MVB12B: variants seen among roughly 807,000 people sequenced by gnomAD.
MVB12B encodes the protein multivesicular body subunit 12B.
Under a neutral mutation model 41.6 loss-of-function variants are expected in MVB12B, and 16 were observed. The observed-to-expected ratio is 0.38, with a 90% CI of 0.26 to 0.58. The LOEUF is 0.58. Among genes scored for constraint, MVB12B ranks in the 20% least tolerant of loss-of-function variants. The pLI is 0.62. For missense variants in MVB12B, 274 were observed against 380.2 expected (o/e 0.72, Z 2.32); for synonymous variants, 133 against 139.7 (o/e 0.95, Z 0.34).
intron 2 of MVB12B, among the ~76,000 whole-genome samples, chr9:126,375,282 C>G (rs1002863576): frequency 2.7e-5 from 4 of 149,146 alleles, no homozygotes; most frequent in African/African-American, 9.9e-5. Flanking sequence ...AGACTTGTTT[C>G]ATTCATTTGA....
chr9:126,481,205 G>A, intron 7 of MVB12B, 164 bp from the exon 8 acceptor site: 1 of 674,342 alleles, frequency 1.5e-6, no homozygotes, highest in Non-Finnish European at 2.6e-6. Context: ...GGCAGCAGGG[G>A]TGGGACCTGT....
intron 1 of MVB12B, among the ~76,000 whole-genome samples, chr9:126,334,910 T>G (rs75847027): frequency 6.6e-6 from 1 of 152,348 alleles, no homozygotes; most frequent in East Asian, 1.9e-4. Flanking sequence ...AACCTACCAT[T>G]GCACCATAAG....
intron 6 of MVB12B, among the ~76,000 whole-genome samples, chr9:126,399,736 TG>T (rs956094162): frequency 1.4e-4 from 22 of 152,152 alleles, no homozygotes; most frequent in Non-Finnish European, 2.5e-4. Flanking sequence ...AGTCCCCTGG[TG>T]GGCTGCAGCC....
intron 7 of MVB12B, among the ~76,000 whole-genome samples, chr9:126,449,421 A>G (rs1196475381): frequency 1.3e-5 from 2 of 152,178 alleles, no homozygotes; most frequent in Non-Finnish European, 2.9e-5. Context: ...TCTGACAGAC[A>G]GGTCTGGCCT....
intron 2 of MVB12B, among the ~76,000 whole-genome samples, chr9:126,344,768 G>A (rs1004962619): frequency 1.3e-5 from 2 of 152,248 alleles, no homozygotes; most frequent in Non-Finnish European, 2.9e-5. Context: ...AGTCTAAGGT[G>A]AAGGGCCTGC....
At chr9:126,366,439 G>A (rs575545353) in intron 2 of MVB12B, among the ~76,000 whole-genome samples, 2 of 152,154 alleles carry the variant, frequency 1.3e-5, no homozygotes, top group South Asian at 2.1e-4. Context: ...AAATAAAAGC[G>A]ACCTGTAATC....
rs1027417371 is a variant in MVB12B at position 126,357,798 on chromosome 9, A to G, written c.204+17168A>G. 3.9e-5 allele frequency among the ~76,000 whole-genome samples: 6 copies of G among 152,184 alleles called. No individual in the cohort carries two copies. The East Asian group carries it at 1.2e-3, about 29-fold the overall frequency. On this transcript the variant is annotated intron_variant, in intron 2 of 9. Transcript: ENST00000361171. ...CTTGCCTTTTCATTTTCTTAACAGT[A>G]TTTTTGAAAAGCAAAAGTTTTAAAA... is the stretch of plus-strand genomic sequence containing the variant.
chr9:126,400,700 C>T (rs1422109496), intron 6 of MVB12B, among the ~76,000 whole-genome samples: 2 of 152,206 alleles, frequency 1.3e-5, no homozygotes, highest in Admixed American at 1.3e-4. Context: ...CAGCCATTGC[C>T]TTCCTCCACT....
chr9:126,409,296 A>C (rs982404301), intron 6 of MVB12B, among the ~76,000 whole-genome samples: 1 of 89,356 alleles, frequency 1.1e-5, no homozygotes, highest in African/African-American at 4.5e-5. Context: ...TTGGTGAGTA[A>C]CTCTGTGTGT....
In MVB12B at chr9:126,504,841, G is replaced by C. The variant is rs1244676436; in HGVS notation, c.*1578G>C. The C allele has an allele frequency of 6.6e-6, 1 of 152,520 alleles. No homozygotes were observed. The highest frequency in any genetic ancestry group is 1.5e-5 in the Non-Finnish European group (1 of 68,146). The allele number at this position is 152,520 out of a possible 1,614,324, so 9.4% of individuals were successfully genotyped here. A position where few individuals can be genotyped will look rare whatever the true frequency, so the allele number is the denominator to read the frequency against. The stretch of plus-strand genomic sequence containing the variant: ...GGGGGTGGCCTTCTCAGGACTCCTG[G>C]GTGGCACAGCAGCAGGACCTTGTCA... On this transcript the variant is annotated 3_prime_UTR_variant, in exon 10 of 10. Transcript: ENST00000361171.
chr9:126,390,847 G>A (rs1385249793), intron 4 of MVB12B, among the ~76,000 whole-genome samples: 1 of 151,892 alleles, frequency 6.6e-6, no homozygotes, highest in East Asian at 1.9e-4. Context: ...AGCTACTCAG[G>A]AGGCTGGGGC....
At chr9:126,366,161 C>G (rs528344417) in intron 2 of MVB12B, among the ~76,000 whole-genome samples, 30 of 152,184 alleles carry the variant, frequency 2.0e-4, no homozygotes, top group African/African-American at 6.5e-4. Flanking sequence ...CTTCATCTCA[C>G]CAGCTCCTCC....
chr9:126,401,018 A>G (rs1831253293), intron 6 of MVB12B, among the ~76,000 whole-genome samples: 2 of 152,196 alleles, frequency 1.3e-5, no homozygotes, highest in South Asian at 4.1e-4. Flanking sequence ...GTGTGGTTCC[A>G]GTAGCCTCAC....
intron 2 of MVB12B, among the ~76,000 whole-genome samples, chr9:126,344,159 A>G (rs1015985030): frequency 1.3e-5 from 2 of 152,120 alleles, no homozygotes; most frequent in Non-Finnish European, 2.9e-5. Context: ...AGTACCTACT[A>G]TGTGCCAGCT....
intron 7 of MVB12B, 115 bp from the exon 8 acceptor site, chr9:126,481,253 AC>A: frequency 1.1e-6 from 1 of 879,906 alleles, no homozygotes; most frequent in South Asian, 1.4e-5. Flanking sequence ...GCTGGATGTC[AC>A]CTGGCTCCAT....
chr9:126,409,041 TC>T (rs1390508764), intron 6 of MVB12B, among the ~76,000 whole-genome samples: 2 of 152,110 alleles, frequency 1.3e-5, no homozygotes, highest in Admixed American at 6.6e-5. Flanking sequence ...GTGGGACTGT[TC>T]CTTGAGCTTT....
chr9:126,492,593 A>C (rs1833756568), intron 9 of MVB12B, among the ~76,000 whole-genome samples: 4 of 152,108 alleles, frequency 2.6e-5, no homozygotes, highest in Admixed American at 6.5e-5. Flanking sequence ...TGTAATCCTC[A>C]CACTTTGGGA....
intron 6 of MVB12B, among the ~76,000 whole-genome samples, chr9:126,421,407 C>T (rs1832013664): frequency 6.6e-6 from 1 of 152,234 alleles, no homozygotes. Flanking sequence ...CAGAGCGCTT[C>T]ATGTGCAGTG....
rs1276020505 is a variant in MVB12B, at chr9:126,430,023, AAGGCCGTGGGCCCGG to A, written c.757+8076_757+8090del. Among the ~76,000 whole-genome samples, 3 of 152,246 alleles carry A rather than the reference AAGGCCGTGGGCCCGG, an allele frequency of 2.0e-5. No individual in the cohort carries two copies. The East Asian group carries it at 5.8e-4, about 29-fold the overall frequency. ...CTCACTTAGAATGCAGGGCCCACAGAAGGCCGTGGGCCCGGGCCTTCTGGGCTGCAGTCTGGCAGG... is the reference window on the plus strand; with the variant it reads ...CTCACTTAGAATGCAGGGCCCACAGAGCCTTCTGGGCTGCAGTCTGGCAGG... On this transcript the variant is annotated intron_variant, in intron 7 of 9. Transcript: ENST00000361171.
Sources: allele counts gnomAD v4.1 joint callset (sites outside exome capture counted in the v4.1 genomes callset), GRCh38; gene constraint gnomAD v4.1.1; transcripts MANE v1.5; gene names NCBI Gene and HGNC (gene_info 2026-07-23, HGNC 2026-07-21).